The following TMBIM6 variants were observed in gnomAD, a reference collection of about 807,000 sequenced individuals.
The protein encoded by TMBIM6 is bax inhibitor 1.
TMBIM6 carries 13 observed loss-of-function variants against 31.4 expected under a neutral mutation model. The observed-to-expected ratio is 0.41, with a 90% CI of 0.27 to 0.66. The LOEUF (loss-of-function observed/expected upper bound fraction) is 0.66. Ranked by LOEUF, TMBIM6 falls within the 30% of genes least tolerant of loss-of-function variation. The pLI is 0.28. For synonymous variants in TMBIM6, 85 were observed against 101.7 expected, an observed-to-expected ratio of 0.84 and a Z score of 0.99; for missense variants, 275 against 289.5, an observed-to-expected ratio of 0.95 and a Z score of 0.36.
At chr12:49,756,225 T>C (rs1236331125) in intron 4 of TMBIM6, among the ~76,000 whole-genome samples, 3 of 152,080 alleles carry the variant, frequency 2.0e-5, no homozygotes, top group African/African-American at 7.2e-5. Context: ...AAACTCTGCC[T>C]TCCGGGTTCA....
At chr12:49,745,724 C>CAAAAAA (rs761232522) in intron 1 of TMBIM6, among the ~76,000 whole-genome samples, 4 of 114,124 alleles carry the variant, frequency 3.5e-5, no homozygotes, top group African/African-American at 1.8e-4. Flanking sequence ...GACTCTGTCT[C>CAAAAAA]AAAAAAAAAA....
chr12:49,760,698 A>G (rs1945701956), intron 8 of TMBIM6, among the ~76,000 whole-genome samples: 1 of 151,698 alleles, frequency 6.6e-6, no homozygotes, highest in African/African-American at 2.4e-5. Flanking sequence ...CACCACGTCC[A>G]GCTAATTTCT....
At chr12:49,752,831 T>C in intron 2 of TMBIM6, 142 bp from the exon 3 acceptor site, 1 of 827,608 alleles carries the variant, frequency 1.2e-6, no homozygotes, top group Non-Finnish European at 1.9e-6. Context: ...TTTATTGTAA[T>C]ATGCTTTCCT....
rs753603850 is a variant in TMBIM6, at chr12:49,759,218, T to G, written c.514-3T>G. The G allele has an allele frequency of 6.2e-7, 1 of 1,613,840 alleles. No homozygotes were observed. The highest frequency in any genetic ancestry group is 1.1e-5 in the South Asian group (1 of 91,054). Reference sequence around the variant, plus strand: ...TAGTAACTTCATCTCTTACATTTGTTAGGCAAACCTGTATGTGGGACTGGT... The same window carrying G: ...TAGTAACTTCATCTCTTACATTTGTGAGGCAAACCTGTATGTGGGACTGGT... On this transcript the variant is annotated splice_region_variant and splice_polypyrimidine_tract_variant and intron_variant, in intron 7 of 9. Coordinates refer to ENST00000267115, the MANE Select transcript of TMBIM6 (RefSeq NM_003217.3).
intron 1 of TMBIM6, among the ~76,000 whole-genome samples, chr12:49,747,739 A>G (rs80014259): frequency 6.6e-6 from 1 of 152,260 alleles, no homozygotes; most frequent in East Asian, 1.9e-4. Context: ...ATGTTGCTGT[A>G]CACACTGAGG....
At chr12:49,746,552 G>A (rs932178928) in intron 1 of TMBIM6, among the ~76,000 whole-genome samples, 1 of 152,158 alleles carries the variant, frequency 6.6e-6, no homozygotes, top group Non-Finnish European at 1.5e-5. Flanking sequence ...AGGAAATAAG[G>A]ATTGTTATGT....
intron 3 of TMBIM6, among the ~76,000 whole-genome samples, chr12:49,755,257 T>A (rs950385599): frequency 6.6e-6 from 1 of 152,200 alleles, no homozygotes; most frequent in African/African-American, 2.4e-5. Flanking sequence ...ATGTTTTTTT[T>A]AAAGTGACCA....
intron 1 of TMBIM6, chr12:49,744,604 A>C (rs1472369079): frequency 6.6e-6 from 1 of 152,202 alleles, no homozygotes; most frequent in Non-Finnish European, 1.5e-5. Context: ...TCTTGATCTG[A>C]TAATAGGGTC....
At chr12:49,746,967 C>A (rs917086674) in intron 1 of TMBIM6, among the ~76,000 whole-genome samples, 1 of 151,950 alleles carries the variant, frequency 6.6e-6, no homozygotes, top group African/African-American at 2.4e-5. Context: ...TCCTGAGTAG[C>A]TGGGATTACA....
chr12:49,752,414 T>C lies in TMBIM6; in HGVS notation c.-30-50T>C, dbSNP rs751956037. The C allele has an allele frequency of 5.3e-6, 7 of 1,319,230 alleles. No homozygotes were observed. In the East Asian group the frequency reaches 1.5e-4, roughly 28 times the overall value. 81.7% of individuals were successfully genotyped at this position (1,319,230 alleles called of 1,614,324 possible). On this transcript the variant is annotated intron_variant, in intron 1 of 9. Coordinates refer to ENST00000267115, the MANE Select transcript of TMBIM6 (RefSeq NM_003217.3). ...GCTTTTTTTTTTTTTTATAAGCTGT[T>C]CGTGTGATTCTGTATGACTTAATGA...
chr12:49,743,041 G>T (rs1476607493), intron 1 of TMBIM6, among the ~76,000 whole-genome samples: 1 of 139,042 alleles, frequency 7.2e-6, no homozygotes, highest in Non-Finnish European at 1.5e-5. Context: ...CTAGAGTGCA[G>T]TGGCGCAGTC....
Position 49,764,075 on chromosome 12 carries a change from C to A in TMBIM6, c.*1179C>A, listed in dbSNP as rs1453264446. The A allele has an allele frequency of 6.6e-6, 1 of 152,166 alleles. No individual in the cohort carries two copies. The highest frequency in any genetic ancestry group is 1.5e-5 in the Non-Finnish European group (1 of 68,040). The allele number at this position is 152,166 out of a possible 1,614,324, so 9.4% of individuals were successfully genotyped here. Reference sequence around the variant, plus strand: ...TAGTTTTTGGTCTGTTACCTGTTTTCCAGAAATTTGTGGCCTTTTAGGCGG... The same window carrying A: ...TAGTTTTTGGTCTGTTACCTGTTTTACAGAAATTTGTGGCCTTTTAGGCGG... On this transcript the variant is annotated 3_prime_UTR_variant, in exon 10 of 10. Coordinates refer to ENST00000267115, the MANE Select transcript of TMBIM6 (RefSeq NM_003217.3).
At chr12:49,756,548 A>G (rs1945599399) in intron 4 of TMBIM6, among the ~76,000 whole-genome samples, 1 of 144,792 alleles carries the variant, frequency 6.9e-6, no homozygotes, top group African/African-American at 2.6e-5. Flanking sequence ...GGTTCAAGCG[A>G]TTCCCCTTCC....
At position 49,758,212 on chromosome 12, in the gene TMBIM6, T is replaced by C; in HGVS notation, c.287-15T>C. ...ATTGATCGTAATACTGTGTTCTGGG[T>C]TTTCTGTTTTCTAGGAGTTGGCCTG... On this transcript the variant is annotated splice_polypyrimidine_tract_variant and intron_variant, in intron 4 of 9. Transcript: ENST00000267115. The C allele has an allele frequency of 6.2e-7, 1 of 1,614,116 alleles. No homozygotes were observed. Among genetic ancestry groups the C allele is most frequent in the Non-Finnish European group, 8.5e-7 (1 of 1,180,000 alleles).
chr12:49,760,292 C>A (rs1437797819), intron 8 of TMBIM6, among the ~76,000 whole-genome samples: 13 of 152,200 alleles, frequency 8.5e-5, no homozygotes, highest in Non-Finnish European at 5.9e-5. Context: ...GCTCTGTTGC[C>A]TAGGCAGTAG....
rs1045015882 is a variant in TMBIM6, at chr12:49,755,541, G to C, written c.166-94G>C. The C allele has an allele frequency of 2.0e-6, 3 of 1,491,268 alleles. No homozygotes were observed. In the African/African-American group the frequency reaches 4.2e-5, roughly 21 times the overall value. The allele number at this position is 1,491,268 out of a possible 1,614,324, so 92.4% of individuals were successfully genotyped here. Reference sequence around the variant, plus strand: ...CCAGGTTATAAGCAAATGTTAGGAAGTTCAGACGAGTGTTTGAACCCAATA... The same window carrying C: ...CCAGGTTATAAGCAAATGTTAGGAACTTCAGACGAGTGTTTGAACCCAATA... On this transcript the variant is annotated intron_variant, in intron 3 of 9. Transcript: ENST00000267115.
At chr12:49,753,321 G>A (rs768339162) in intron 3 of TMBIM6, among the ~76,000 whole-genome samples, 1 of 152,174 alleles carries the variant, frequency 6.6e-6, no homozygotes. Context: ...TGCTGCTGAC[G>A]TACAAGACCC....
intron 9 of TMBIM6, 40 bp downstream of exon 9, chr12:49,761,819 T>C (rs1945725453): frequency 6.3e-7 from 1 of 1,597,996 alleles, no homozygotes; most frequent in East Asian, 2.2e-5. Context: ...CAATAATGGC[T>C]CCTGAGCTTG....
intron 4 of TMBIM6, 161 bp from the exon 5 acceptor site, chr12:49,758,066 A>C: frequency 1.3e-6 from 1 of 782,220 alleles, no homozygotes; most frequent in Non-Finnish European, 2.1e-6. Context: ...TCAGGTATAC[A>C]TTTTATTGAA....
Sources: allele counts gnomAD v4.1 joint callset (sites outside exome capture counted in the v4.1 genomes callset), GRCh38; gene constraint gnomAD v4.1.1; transcripts MANE v1.5; gene names NCBI Gene and HGNC (gene_info 2026-07-23, HGNC 2026-07-21).